The following FXR1 variants were observed in gnomAD, a reference collection of about 807,000 sequenced individuals.
FXR1 encodes the protein FMR1 autosomal homolog 1.
FXR1 carries 15 observed loss-of-function variants against 84.0 expected under a neutral mutation model. That is an observed-to-expected ratio of 0.18 (90% CI 0.12 to 0.27). The LOEUF is 0.27. Among genes scored for constraint, FXR1 ranks in the 10% least tolerant of loss-of-function variants. The pLI is 1.00. For synonymous variants in FXR1, 245 were observed against 250.7 expected (o/e 0.98, Z 0.21); for missense variants, 480 against 774.4 (o/e 0.62, Z 4.51).
At chr3:180,931,807 T>TGGCTC (rs1719946268) in intron 1 of FXR1, among the ~76,000 whole-genome samples, 2 of 145,264 alleles carry the variant, frequency 1.4e-5, no homozygotes, top group Non-Finnish European at 3.0e-5. Context: ...GCAGCATGGT[T>TGGCTC]ATGGCTCACT....
At chr3:180,934,989 C>A in intron 2 of FXR1, 149 bp from the exon 3 acceptor site, 1 of 522,484 alleles carries the variant, frequency 1.9e-6, no homozygotes, top group Non-Finnish European at 3.5e-6. Flanking sequence ...ACTTCAGTAA[C>A]TAATTTCTTG....
chr3:180,940,869 C>T (rs550374439), intron 3 of FXR1, among the ~76,000 whole-genome samples: 14 of 152,294 alleles, frequency 9.2e-5, no homozygotes, highest in Admixed American at 2.0e-4. Context: ...AGCCACCACG[C>T]GCAGCCCTGA....
At position 180,961,570 on chromosome 3, in the gene FXR1, A is replaced by T; in HGVS notation, c.1077+16A>T. 1 of 1,152,612 alleles carries T rather than the reference A, an allele frequency of 8.7e-7. No individual in the cohort carries two copies. The allele number at this position is 1,152,612 out of a possible 1,614,324, so 71.4% of individuals were successfully genotyped here. A position where few individuals can be genotyped will look rare whatever the true frequency, so the allele number is the denominator to read the frequency against. On this transcript the variant is annotated intron_variant, in intron 11 of 16. Transcript: ENST00000357559. ...CTATCTAAAGGTTTGTATACGGTTC[A>T]TACTATATTCTGATATTGTTGCTGC...
chr3:180,954,020 CAT>C (rs1316534611), intron 9 of FXR1, 180 bp downstream of exon 9: 2 of 532,154 alleles, frequency 3.8e-6, no homozygotes, highest in Non-Finnish European at 6.6e-6. Context: ...TTGTTATTGT[CAT>C]ATGTTAAAAA....
intron 1 of FXR1, among the ~76,000 whole-genome samples, chr3:180,918,432 C>T (rs1394804128): frequency 2.0e-5 from 3 of 152,224 alleles, no homozygotes; most frequent in African/African-American, 7.2e-5. Context: ...ACCACTGAGT[C>T]TGGCCAGCAT....
At chr3:180,971,013 GGTTTTTTT>G (rs1379675560) in intron 15 of FXR1, 11 of 424,722 alleles carry the variant, frequency 2.6e-5, no homozygotes, top group South Asian at 1.8e-4. Context: ...AAGGAAAGAA[GGTTTTTTT>G]GTTTTTTTGT....
intron 3 of FXR1, among the ~76,000 whole-genome samples, chr3:180,947,109 A>G (rs1038841912): frequency 3.3e-5 from 5 of 151,968 alleles, no homozygotes; most frequent in African/African-American, 7.3e-5. Context: ...CTGGAGTGCA[A>G]TGGTGTGATC....
chr3:180,964,667 GTTGA>G (rs1281616216), intron 13 of FXR1, among the ~76,000 whole-genome samples: 2 of 103,018 alleles, frequency 1.9e-5, no homozygotes, highest in Non-Finnish European at 3.6e-5. Context: ...GGGACTTGTA[GTTGA>G]TTTATATATA....
At chr3:180,939,582 A>G (rs1171294505) in intron 3 of FXR1, among the ~76,000 whole-genome samples, 1 of 152,130 alleles carries the variant, frequency 6.6e-6, no homozygotes, top group Non-Finnish European at 1.5e-5. Context: ...CAATAGATTC[A>G]CCAGCCCGGG....
At chr3:180,968,541 A>AT (rs904254066) in intron 14 of FXR1, 6 of 244,060 alleles carry the variant, frequency 2.5e-5, no homozygotes, top group Non-Finnish European at 2.4e-5. Context: ...TTTAATTAGA[A>AT]TTTTTTTTGT....
chr3:180,917,947 C>CAAAA lies in FXR1; in HGVS notation c.51+5230_51+5233dup, dbSNP rs757826092. Among the ~76,000 whole-genome samples the CAAAA allele has an allele frequency of 3.9e-4, 24 of 60,956 alleles. No individual in the cohort carries two copies. The East Asian group carries it at 4.1e-3, about 10-fold the overall frequency. The allele number at this position is 60,956 out of a possible 152,430, so 40.0% of individuals were successfully genotyped here. On this transcript the variant is annotated intron_variant, in intron 1 of 16. Transcript: ENST00000357559. ...GGGTGACAGAGTGAGACTCTGTCTC[C>CAAAA]AAAAAAAAAAAAAAAAAAAAAAGTC...
At chr3:180,921,780 G>A (rs940028790) in intron 1 of FXR1, among the ~76,000 whole-genome samples, 6 of 151,468 alleles carry the variant, frequency 4.0e-5, no homozygotes, top group African/African-American at 1.5e-4. Flanking sequence ...ATAGACACGT[G>A]TATAATTTTA....
rs1477859481 is a variant in FXR1, at chr3:180,923,627, G to T, written c.52-9707G>T. 2.0e-5 allele frequency among the ~76,000 whole-genome samples: 3 copies of T among 152,096 alleles called. No homozygotes were observed. In the East Asian group the frequency reaches 5.8e-4, roughly 29 times the overall value. ...ACTTTACTTATCATAAAAGCTCCAG[G>T]AAGATTTACCATGGTAGTTGTGGGG... On this transcript the variant is annotated intron_variant, in intron 1 of 16. Coordinates refer to ENST00000357559, the MANE Select transcript of FXR1 (RefSeq NM_005087.4).
In FXR1 at chr3:180,980,225, A is replaced by G. The variant is rs907924679; in HGVS notation, c.*3933A>G. 5 of 152,046 alleles carry G rather than the reference A, an allele frequency of 3.3e-5. No individual in the cohort carries two copies. Among genetic ancestry groups the G allele is most frequent in the Non-Finnish European group, 5.9e-5 (4 of 67,950 alleles). The allele number at this position is 152,046 out of a possible 1,614,324, so 9.4% of individuals were successfully genotyped here. A position where few individuals can be genotyped will look rare whatever the true frequency, so the allele number is the denominator to read the frequency against. ...TGAATTTAAGTGGTGTTTGTTTTAC[A>G]TATGTATCCATCCCAGACATTTTCA... On this transcript the variant is annotated 3_prime_UTR_variant, in exon 17 of 17. Coordinates refer to ENST00000357559, the MANE Select transcript of FXR1 (RefSeq NM_005087.4).
At chr3:180,915,478 T>A (rs1717778620) in intron 1 of FXR1, 2 of 1,453,176 alleles carry the variant, frequency 1.4e-6, no homozygotes, top group African/African-American at 2.8e-5. Context: ...AGAAGCAATT[T>A]AATTTTAATT....
chr3:180,930,537 C>T (rs1339692872), intron 1 of FXR1, among the ~76,000 whole-genome samples: 2 of 151,822 alleles, frequency 1.3e-5, no homozygotes, highest in African/African-American at 4.8e-5. Context: ...TGAGACTTTT[C>T]AAACTTTGTG....
chr3:180,935,126 C>T lies in FXR1; in HGVS notation c.105-12C>T. The T allele has an allele frequency of 7.4e-7, 1 of 1,354,040 alleles. No individual in the cohort carries two copies. The highest frequency in any genetic ancestry group is 1.1e-6 in the Non-Finnish European group (1 of 945,402). The allele number at this position is 1,354,040 out of a possible 1,614,324, so 83.9% of individuals were successfully genotyped here. ...TTTTTAAGTTGTTAATACACCTTTT[C>T]TAATCCTTCAGTTGGCAACCAGAAC... On this transcript the variant is annotated splice_polypyrimidine_tract_variant and intron_variant, in intron 2 of 16. Transcript: ENST00000357559.
intron 3 of FXR1, among the ~76,000 whole-genome samples, chr3:180,945,228 T>A (rs1211992509): frequency 6.6e-6 from 1 of 152,244 alleles, no homozygotes; most frequent in South Asian, 2.1e-4. Context: ...GCCATCTCTG[T>A]GCTGTAATTT....
At chr3:180,928,619 C>T (rs1183747974) in intron 1 of FXR1, among the ~76,000 whole-genome samples, 1 of 151,888 alleles carries the variant, frequency 6.6e-6, no homozygotes, top group African/African-American at 2.4e-5. Flanking sequence ...TTGTACATAG[C>T]TTTTGTGCAT....
Sources: allele counts gnomAD v4.1 joint callset (sites outside exome capture counted in the v4.1 genomes callset), GRCh38; gene constraint gnomAD v4.1.1; transcripts MANE v1.5; gene names NCBI Gene and HGNC (gene_info 2026-07-23, HGNC 2026-07-21).